Variants in FBN3 observed in about 807,000 individuals in gnomAD.
FBN3 encodes fibrillin 3, also known as fibrillin-3.
Under a neutral mutation model 330.1 loss-of-function variants are expected in FBN3, and 234 were observed. The ratio of observed to expected loss-of-function variants is 0.71; its 90% confidence interval spans 0.64 to 0.79. The LOEUF (loss-of-function observed/expected upper bound fraction) is 0.79. Ranked by LOEUF, FBN3 falls within the 30% of genes least tolerant of loss-of-function variation. The pLI is 0.00. For missense variants in FBN3, 3,606 were observed against 3,886.9 expected (o/e 0.93, Z 1.92); for synonymous variants, 1,458 against 1,517.3 (o/e 0.96, Z 0.91).
At chr19:8,139,874 G>T (rs1317002682) in intron 8 of FBN3, among the ~76,000 whole-genome samples, 1 of 151,906 alleles carries the variant, frequency 6.6e-6, no homozygotes, top group Non-Finnish European at 1.5e-5. Context: ...GCCACTGAGA[G>T]CCACCCCTGA....
intron 16 of FBN3, among the ~76,000 whole-genome samples, chr19:8,130,615 A>AGGAAGGAAGGAAGGAAGGAAGGAAGGAAG: frequency 9.9e-5 from 1 of 10,090 alleles, no homozygotes; most frequent in Non-Finnish European, 1.8e-4. Flanking sequence ...AAAGAAAGAA[A>AGGAAGGAAGGAAGGAAGGAAGGAAGGAAG]GAAAGAAAGA....
chr19:8,096,672 C>T lies in FBN3; in HGVS notation c.5414-103G>A. 6.8e-7 allele frequency: 1 copy of T among 1,472,100 alleles called. No individual in the cohort carries two copies. The highest frequency in any genetic ancestry group is 9.1e-7 in the Non-Finnish European group (1 of 1,097,644). 91.2% of individuals were successfully genotyped at this position (1,472,100 alleles called of 1,614,324 possible). ...AGCCAGAATCTGCCTTGAAGTTCCCCACTCAAACTTCCACCAGGGGCGTCA... is the reference window on the plus strand; with the variant it reads ...AGCCAGAATCTGCCTTGAAGTTCCCTACTCAAACTTCCACCAGGGGCGTCA... On this transcript the variant is annotated intron_variant, in intron 43 of 63. Coordinates refer to ENST00000600128, the MANE Select transcript of FBN3 (RefSeq NM_032447.5). The surrounding 1 kb of genome is among the most constrained non-coding windows in gnomAD (Gnocchi z 4.6).
Position 8,125,946 on chromosome 19 carries a change from G to A in FBN3, c.2677C>T (p.Arg893Cys), listed in dbSNP as rs752572163. 2.0e-5 allele frequency: 32 copies of A among 1,613,764 alleles called. No individual in the cohort carries two copies. The highest frequency in any genetic ancestry group is 2.5e-5 in the Non-Finnish European group (29 of 1,180,016). ...GRCVNTAGSF[R>C]CECPEGLMLD... ...ATCAGGCCCTCTGGACACTCACAGC[G>A]GAAAGACCCAGCAGTGTTGACGCAA... The change falls in exon 22 of 64, where the codon CGC becomes TGC. Residue 893 changes from arginine to cysteine, a missense_variant. Physicochemically the swap from Arg to Cys is radical, Grantham distance 180. Transcript: ENST00000600128.
chr19:8,134,750 A>T (rs1013189602), intron 13 of FBN3, among the ~76,000 whole-genome samples: 1 of 151,474 alleles, frequency 6.6e-6, no homozygotes, highest in East Asian at 1.9e-4. Flanking sequence ...CCTGGCCAAC[A>T]TGGTGAAACC....
chr19:8,133,897 C>T (rs2083213695), intron 13 of FBN3, among the ~76,000 whole-genome samples: 1 of 151,300 alleles, frequency 6.6e-6, no homozygotes, highest in African/African-American at 2.4e-5. Context: ...TCCAAAATGT[C>T]AGTTTTAAAC....
intron 37 of FBN3, among the ~76,000 whole-genome samples, chr19:8,107,352 T>C (rs1320295527): frequency 3.1e-5 from 3 of 96,966 alleles, no homozygotes; most frequent in Non-Finnish European, 5.7e-5. Context: ...GATAGAAGGA[T>C]AGGAGGGGAA....
At chr19:8,130,866 TG>T (rs963416496) in intron 16 of FBN3, among the ~76,000 whole-genome samples, 1 of 147,330 alleles carries the variant, frequency 6.8e-6, no homozygotes, top group Non-Finnish European at 1.5e-5. Flanking sequence ...TAAAAAAGGG[TG>T]GGGGGAGTTT....
At chr19:8,087,616 T>G (rs923206556) in intron 53 of FBN3, among the ~76,000 whole-genome samples, 17 of 143,116 alleles carry the variant, frequency 1.2e-4, no homozygotes, top group African/African-American at 4.8e-4. Flanking sequence ...TTTTTTTTTT[T>G]TTTTTTTGAG....
At position 8,138,236 on chromosome 19, in the gene FBN3, T is replaced by C; in HGVS notation, c.1106A>G (p.Asn369Ser). 3 of 1,612,032 alleles carry C rather than the reference T, an allele frequency of 1.9e-6. No individual in the cohort carries two copies. The highest frequency in any genetic ancestry group is 2.2e-5 in the East Asian group (1 of 44,870). Residue 369 changes from asparagine to serine, a missense_variant, in exon 10 of 64, where the codon AAT (asparagine) becomes AGT (serine). By Grantham distance (46) the Asn-to-Ser change is conservative. Transcript: ENST00000600128. Reference protein sequence around the residue: ...LFPGLLGFGSNGMGPPLGPAR... With the variant: ...LFPGLLGFGSSGMGPPLGPAR... The stretch of plus-strand genomic sequence containing the variant: ...TGGCCCAAGAGGGGGACCCATGCCA[T>C]TGGATCCGAAGCCCAGGAGGCCAGG...
intron 13 of FBN3, among the ~76,000 whole-genome samples, chr19:8,133,595 CATGT>C (rs2144984892): frequency 6.6e-6 from 1 of 152,118 alleles, no homozygotes; most frequent in East Asian, 2.0e-4. Context: ...GGATTACAGG[CATGT>C]ACCACCACGC....
At position 8,096,573 on chromosome 19, in the gene FBN3, G is replaced by C; in HGVS notation, c.5414-4C>G. ...ATCTCCCGACACTCATTCCGTCCTG[G>C]GGGTGCAGAGAGCATGGTGTTCCCA... On this transcript the variant is annotated splice_region_variant and splice_polypyrimidine_tract_variant and intron_variant, in intron 43 of 63. Transcript: ENST00000600128. The surrounding 1 kb of genome is among the most constrained non-coding windows in gnomAD (Gnocchi z 4.6). 6.2e-7 allele frequency: 1 copy of C among 1,608,304 alleles called. No individual in the cohort carries two copies.
intron 13 of FBN3, 125 bp from the exon 14 acceptor site, chr19:8,133,231 T>C: frequency 8.2e-7 from 1 of 1,218,898 alleles, no homozygotes; most frequent in Non-Finnish European, 1.1e-6. Context: ...AAACAAGCTG[T>C]GGTTGTCTGT....
Position 8,136,282 on chromosome 19 carries a change from C to A in FBN3, c.1373G>T (p.Cys458Phe). Residue 458 changes from cysteine (C) to phenylalanine (F), a missense_variant, in exon 12 of 64, where the codon TGC becomes TTC. Transcript: ENST00000600128. ...IDVDECTSSPCHHGDCVNIPG... is the reference protein window; with the variant it reads ...IDVDECTSSPFHHGDCVNIPG... ...GATGTTGACGCAGTCACCGTGGTGG[C>A]AGGGGCTGCTGGTGCATTCGTCTAC... 1.2e-6 allele frequency: 2 copies of A among 1,603,490 alleles called. No homozygotes were observed. Among genetic ancestry groups the A allele is most frequent in the African/African-American group, 1.3e-5 (1 of 74,978 alleles).
chr19:8,067,125 T>TC (rs1205641783), intron 63 of FBN3, among the ~76,000 whole-genome samples: 2 of 149,898 alleles, frequency 1.3e-5, no homozygotes, highest in East Asian at 3.9e-4. Flanking sequence ...TTCTTCTTCT[T>TC]TTTCTTTTTT....
intron 30 of FBN3, 63 bp downstream of exon 30, chr19:8,115,452 C>A (rs575828637): frequency 4.6e-4 from 727 of 1,581,824 alleles, no homozygotes; most frequent in Admixed American, 9.6e-4. Flanking sequence ...GGAAACAGAC[C>A]CCATGATTCC....
intron 13 of FBN3, 25 bp downstream of exon 13, chr19:8,135,936 G>GACCCCCCCCC: frequency 1.3e-5 from 9 of 668,776 alleles, no homozygotes; most frequent in Admixed American, 2.9e-5. Flanking sequence ...GGAAGCCCCT[G>GACCCCCCCCC]CCCACCCGCC....
At chr19:8,127,909 G>A (rs1568436022) in intron 18 of FBN3, among the ~76,000 whole-genome samples, 1 of 152,208 alleles carries the variant, frequency 6.6e-6, no homozygotes. Context: ...TAAACGGCGG[G>A]AGAATTGCTT....
At chr19:8,105,899 C>G (rs190023749) in intron 38 of FBN3, among the ~76,000 whole-genome samples, 3 of 152,296 alleles carry the variant, frequency 2.0e-5, no homozygotes, top group Admixed American at 2.0e-4. Flanking sequence ...AAGGGTCTAT[C>G]TACCATCCCC....
chr19:8,090,930 A>G (rs2082082943), intron 48 of FBN3, among the ~76,000 whole-genome samples: 1 of 152,184 alleles, frequency 6.6e-6, no homozygotes, highest in Admixed American at 6.5e-5. Flanking sequence ...GATTCCAGAA[A>G]GCCCGAGGAT....
Sources: gnomAD v4.1 joint callset for allele counts (sites outside exome capture counted in the v4.1 genomes callset) on GRCh38, gnomAD v4.1.1 for gene constraint, Gnocchi (gnomAD v3.1) non-coding constraint, MANE v1.5 for transcripts, NCBI Gene and HGNC (gene_info 2026-07-23, HGNC 2026-07-21) for gene names.